IL6R: variants seen among roughly 807,000 people sequenced by gnomAD.
IL6R encodes the protein interleukin-6 receptor subunit alpha.
A neutral mutation model predicts 48.3 loss-of-function variants in IL6R; 38 were observed. The observed-to-expected ratio is 0.79, with a 90% CI of 0.61 to 1.03. The LOEUF is 1.03. Among genes scored for constraint, IL6R ranks in the 50% least tolerant of loss-of-function variants. The pLI, the probability that IL6R is intolerant of heterozygous loss-of-function variation, is 0.00. For synonymous variants in IL6R, 264 were observed against 256.2 expected (o/e 1.03, Z -0.29); for missense variants, 534 against 618.3 (o/e 0.86, Z 1.45).
chr1:154,457,151 C>T (rs555147374), intron 9 of IL6R, among the ~76,000 whole-genome samples: 10 of 151,696 alleles, frequency 6.6e-5, no homozygotes, highest in African/African-American at 1.2e-4. Flanking sequence ...GGTGAAACTC[C>T]GTCTCTACTA....
At chr1:154,432,870 A>G (rs921060464) in intron 3 of IL6R, among the ~76,000 whole-genome samples, 18 of 152,288 alleles carry the variant, frequency 1.2e-4, no homozygotes, top group African/African-American at 4.3e-4. Flanking sequence ...AGGCCACTGC[A>G]GGGCCTGGAA....
At chr1:154,415,043 C>T in intron 1 of IL6R, 2 of 1,519,166 alleles carry the variant, frequency 1.3e-6, no homozygotes, top group Non-Finnish European at 1.8e-6. Flanking sequence ...AGTTGAGCTC[C>T]AGAAGAACTA....
chr1:154,450,529 A>C (rs1469598171), intron 8 of IL6R, among the ~76,000 whole-genome samples: 3 of 152,246 alleles, frequency 2.0e-5, no homozygotes, highest in African/African-American at 4.8e-5. Flanking sequence ...AGATATTTGA[A>C]AAGTGAGATA....
chr1:154,450,077 C>A, intron 8 of IL6R, 97 bp downstream of exon 8: 1 of 766,978 alleles, frequency 1.3e-6, no homozygotes, highest in African/African-American at 1.7e-5. Flanking sequence ...GTCAGAGGAT[C>A]AATCACAGAT....
chr1:154,433,575 G>A (rs945121046), intron 3 of IL6R, among the ~76,000 whole-genome samples: 2 of 152,092 alleles, frequency 1.3e-5, no homozygotes, highest in African/African-American at 2.4e-5. Flanking sequence ...CAGGCCCAGC[G>A]GGAGACCAGA....
chr1:154,445,998 C>T (rs1690207511), intron 6 of IL6R, among the ~76,000 whole-genome samples: 1 of 152,052 alleles, frequency 6.6e-6, no homozygotes, highest in Non-Finnish European at 1.5e-5. Context: ...CTCCTGGCCT[C>T]ATGGGATTCT....
At chr1:154,424,212 G>T (rs933376758) in intron 1 of IL6R, among the ~76,000 whole-genome samples, 20 of 152,188 alleles carry the variant, frequency 1.3e-4, no homozygotes, top group African/African-American at 3.9e-4. Flanking sequence ...GTCCCTGTGG[G>T]CACCCCTAAC....
intron 4 of IL6R, 103 bp downstream of exon 4, chr1:154,434,803 G>A (rs1262752011): frequency 7.8e-7 from 1 of 1,281,166 alleles, no homozygotes; most frequent in Non-Finnish European, 1.1e-6. Flanking sequence ...TGAGGGGTTT[G>A]GTGAGTTGGT....
chr1:154,413,765 A>G (rs1431476826), intron 1 of IL6R, among the ~76,000 whole-genome samples: 2 of 138,808 alleles, frequency 1.4e-5, no homozygotes, highest in Non-Finnish European at 3.1e-5. Context: ...CATGTCATAC[A>G]TGACTTTTTT....
Position 154,434,643 on chromosome 1 carries a change from G to A in IL6R, c.583G>A (p.Ala195Thr), listed in dbSNP as rs758225132. ...TTTCTACATAGTGTCCATGTGCGTCGCCAGTAGTGTCGGGAGCAAGTTCAG... is the reference window on the plus strand; with the variant it reads ...TTTCTACATAGTGTCCATGTGCGTCACCAGTAGTGTCGGGAGCAAGTTCAG... ...SSFYIVSMCV[A>T]SSVGSKFSKT... The change falls in exon 4 of 10, where the codon GCC becomes ACC. Residue 195 changes from alanine to threonine, a missense_variant. Coordinates refer to ENST00000368485, the MANE Select transcript of IL6R (RefSeq NM_000565.4). 73 of 1,614,002 alleles carry A rather than the reference G, an allele frequency of 4.5e-5. No homozygotes were observed. Among genetic ancestry groups the A allele is most frequent in the Non-Finnish European group, 5.8e-5 (69 of 1,180,012 alleles).
In IL6R at chr1:154,436,055, C is replaced by T. The variant is rs762649480; in HGVS notation, c.894C>T (p.Phe298=). ...TGCAGCTTCGTGCCCAGGAGGAGTTCGGGCAAGGCGAGTGGAGCGAGTGGA... is the reference window on the plus strand; with the variant it reads ...TGCAGCTTCGTGCCCAGGAGGAGTTTGGGCAAGGCGAGTGGAGCGAGTGGA... ...HVVQLRAQEE[F]GQGEWSEWSP... is the part of the protein sequence containing the mutation. Residue 298 remains phenylalanine, a synonymous_variant, in exon 6 of 10, where the codon TTC becomes TTT. Transcript: ENST00000368485. 26 of 1,613,044 alleles carry T rather than the reference C, an allele frequency of 1.6e-5. No individual in the cohort carries two copies. The highest frequency in any genetic ancestry group is 1.6e-4 in the Middle Eastern group (1 of 6,084).
chr1:154,439,891 GTCTC>G (rs1027906031), intron 6 of IL6R, among the ~76,000 whole-genome samples: 4 of 151,822 alleles, frequency 2.6e-5, no homozygotes, highest in African/African-American at 7.2e-5. Context: ...GTCTCTTTCT[GTCTC>G]TCTCTTTTTC....
chr1:154,425,270 C>G (rs920427919), intron 1 of IL6R, among the ~76,000 whole-genome samples: 4 of 152,120 alleles, frequency 2.6e-5, no homozygotes, highest in African/African-American at 9.7e-5. Flanking sequence ...GAAAAGGACA[C>G]AGGTCACACA....
chr1:154,423,516 G>T (rs997773704), intron 1 of IL6R, among the ~76,000 whole-genome samples: 8 of 151,754 alleles, frequency 5.3e-5, no homozygotes, highest in Admixed American at 1.3e-4. Flanking sequence ...GAGGCAGAGG[G>T]CTGAGTGGGT....
chr1:154,465,282 C>T lies in IL6R; in HGVS notation c.1309C>T (p.Leu437=). ...CTCCCCACCGGTGTCCCCCAGCAGCCTGGGGTCTGACAATACCTCGAGCCA... is the reference window on the plus strand; with the variant it reads ...CTCCCCACCGGTGTCCCCCAGCAGCTTGGGGTCTGACAATACCTCGAGCCA... ...LISPPVSPSS[L]GSDNTSSHNR... The change falls in exon 10 of 10, where the codon CTG becomes TTG. Residue 437 remains leucine (L), a synonymous_variant. Transcript: ENST00000368485. 1 of 1,614,202 alleles carries T rather than the reference C, an allele frequency of 6.2e-7. No homozygotes were observed. Among genetic ancestry groups the T allele is most frequent in the Non-Finnish European group, 8.5e-7 (1 of 1,180,034 alleles).
At chr1:154,456,586 G>A (rs538503869) in intron 9 of IL6R, among the ~76,000 whole-genome samples, 6 of 152,142 alleles carry the variant, frequency 3.9e-5, no homozygotes, top group South Asian at 4.1e-4. Context: ...GGAGGAGTCC[G>A]GGATGACCCT....
Position 154,454,571 on chromosome 1 carries a change from A to G in IL6R, c.1150A>G (p.Ile384Val), listed in dbSNP as rs1323665573. The change falls in exon 9 of 10, where the codon ATT (isoleucine) becomes GTT (valine). Residue 384 changes from isoleucine to valine, a missense_variant. Ile to Val is a conservative substitution (Grantham distance 29). Coordinates refer to ENST00000368485, the MANE Select transcript of IL6R (RefSeq NM_000565.4). ...LAFGTLLCIA[I>V]VLRFKKTWKL... ...CTTCGGAACGCTCCTCTGCATTGCC[A>G]TTGTTCTGAGGTGAGATGGGTCCCA... 14 of 1,611,442 alleles carry G rather than the reference A, an allele frequency of 8.7e-6. No individual in the cohort carries two copies. Among genetic ancestry groups the G allele is most frequent in the Non-Finnish European group, 1.2e-5 (14 of 1,177,714 alleles).
chr1:154,434,870 A>G, intron 4 of IL6R, 120 bp from the exon 5 acceptor site: 1 of 1,220,860 alleles, frequency 8.2e-7, no homozygotes, highest in Non-Finnish European at 1.1e-6. Flanking sequence ...GCCCTTGTGG[A>G]GCTGTGCATG....
chr1:154,437,391 C>G (rs1689685441), intron 6 of IL6R: 1 of 353,122 alleles, frequency 2.8e-6, no homozygotes, highest in Non-Finnish European at 6.0e-6. Context: ...GTCACTGTGC[C>G]CGGTCGGAAA....
Sources: allele counts gnomAD v4.1 joint callset (sites outside exome capture counted in the v4.1 genomes callset), GRCh38; gene constraint gnomAD v4.1.1; transcripts MANE v1.5; gene names NCBI Gene and HGNC (gene_info 2026-07-23, HGNC 2026-07-21).